PEPD: variants seen among roughly 807,000 people sequenced by gnomAD.
PEPD encodes the protein xaa-Pro dipeptidase.
In PEPD, 53 loss-of-function variants were observed where a neutral mutation model predicts 60.7. The ratio of observed to expected loss-of-function variants is 0.87; its 90% CI spans 0.70 to 1.10. The LOEUF (loss-of-function observed/expected upper bound fraction) is 1.10. Among genes scored for constraint, PEPD ranks in the 50% least tolerant of loss-of-function variants. The probability of loss-of-function intolerance (pLI) is 0.00; values close to 1 mark genes in which losing one functional copy is unlikely to be tolerated. For synonymous variants in PEPD, 267 were observed against 284.1 expected (o/e 0.94, Z 0.60); for missense variants, 711 against 711.9 (o/e 1.00, Z 0.01).
chr19:33,518,581 C>G lies in PEPD; in HGVS notation c.17+3163G>C, dbSNP rs367922974. Among the ~76,000 whole-genome samples the G allele has an allele frequency of 9.8e-5, 15 of 152,308 alleles. No individual in the cohort carries two copies. The South Asian group carries it at 2.7e-3, about 27-fold the overall frequency. ...AAGGCTATTTCTTCATCCTACCCCT[C>G]GGAATTCTGTCCCCATTCCCCACCA... On this transcript the variant is annotated intron_variant, in intron 1 of 14. Coordinates refer to ENST00000244137, the MANE Select transcript of PEPD (RefSeq NM_000285.4).
At chr19:33,391,621 C>T (rs1196758832) in intron 12 of PEPD, 142 bp from the exon 13 acceptor site, 5 of 768,856 alleles carry the variant, frequency 6.5e-6, no homozygotes, top group Admixed American at 2.1e-5. Context: ...GGTACTACAT[C>T]GGGGGCCCAG....
chr19:33,493,935 C>A (rs1277549866), intron 4 of PEPD, among the ~76,000 whole-genome samples: 2 of 152,232 alleles, frequency 1.3e-5, no homozygotes. Flanking sequence ...GGGCCAGCTC[C>A]TCTCTCCACG....
At chr19:33,388,234 C>T (rs1203822253) in intron 13 of PEPD, 153 bp from the exon 14 acceptor site, 2 of 720,032 alleles carry the variant, frequency 2.8e-6, no homozygotes, top group South Asian at 3.0e-5. Flanking sequence ...CTGTGCTGGG[C>T]CATGGGCACC....
intron 9 of PEPD, among the ~76,000 whole-genome samples, chr19:33,445,373 G>A (rs1334943254): frequency 6.6e-6 from 1 of 152,242 alleles, no homozygotes; most frequent in Non-Finnish European, 1.5e-5. Flanking sequence ...CCAATTTACA[G>A]TGCCTCAGAA....
At chr19:33,439,207 C>T (rs1027651237) in intron 9 of PEPD, among the ~76,000 whole-genome samples, 3 of 152,230 alleles carry the variant, frequency 2.0e-5, no homozygotes, top group East Asian at 3.9e-4. Context: ...GCTCCCATAA[C>T]CTGGGCACAT....
At chr19:33,402,391 G>A (rs535276948) in intron 11 of PEPD, among the ~76,000 whole-genome samples, 2 of 152,228 alleles carry the variant, frequency 1.3e-5, no homozygotes, top group African/African-American at 4.8e-5. Context: ...TGGGATGCAC[G>A]GCCTAGAACT....
chr19:33,387,501 A>T lies in PEPD; in HGVS notation c.1345-20T>A, dbSNP rs748875611. The stretch of plus-strand genomic sequence containing the variant: ...GCGGACCTGGGTCAAGCCGACAGAC[A>T]CACATTATCATAGAGCAGCCTCATG... On this transcript the variant is annotated intron_variant, in intron 14 of 14. Coordinates refer to ENST00000244137, the MANE Select transcript of PEPD (RefSeq NM_000285.4). 242 of 1,612,730 alleles carry T rather than the reference A, an allele frequency of 1.5e-4. No individual in the cohort carries two copies. The highest frequency in any genetic ancestry group is 8.5e-6 in the Non-Finnish European group (10 of 1,180,032).
intron 9 of PEPD, among the ~76,000 whole-genome samples, chr19:33,420,576 C>G (rs1392602976): frequency 6.6e-6 from 1 of 152,026 alleles, no homozygotes; most frequent in African/African-American, 2.4e-5. Context: ...GTGGCAGGTG[C>G]CTGTAATCCC....
intron 6 of PEPD, among the ~76,000 whole-genome samples, chr19:33,481,384 T>A (rs764020666): frequency 6.8e-6 from 1 of 146,944 alleles, no homozygotes; most frequent in Non-Finnish European, 1.5e-5. Flanking sequence ...CTGGCCAACA[T>A]TGCAAAACCC....
intron 10 of PEPD, among the ~76,000 whole-genome samples, chr19:33,413,142 T>C (rs1402350983): frequency 2.6e-5 from 4 of 152,160 alleles, no homozygotes; most frequent in African/African-American, 4.8e-5. Context: ...CACACCCACA[T>C]AGACACACCA....
chr19:33,401,913 C>G, intron 11 of PEPD, 44 bp from the exon 12 acceptor site: 1 of 1,598,814 alleles, frequency 6.3e-7, no homozygotes, highest in Non-Finnish European at 8.6e-7. Flanking sequence ...TGGGGTGCCA[C>G]CGCCCCCTTA....
At chr19:33,480,443 A>C (rs902797544) in intron 6 of PEPD, among the ~76,000 whole-genome samples, 7 of 152,246 alleles carry the variant, frequency 4.6e-5, no homozygotes, top group African/African-American at 1.7e-4. Context: ...ATAGTTGGAG[A>C]CGTCAATAAT....
intron 1 of PEPD, among the ~76,000 whole-genome samples, chr19:33,513,876 C>T (rs1454967722): frequency 6.6e-6 from 1 of 151,994 alleles, no homozygotes; most frequent in African/African-American, 2.4e-5. Flanking sequence ...TTTTACCCAG[C>T]CTCTGCAGAA....
intron 11 of PEPD, among the ~76,000 whole-genome samples, chr19:33,408,723 C>T (rs544575622): frequency 5.6e-4 from 85 of 152,194 alleles, no homozygotes; most frequent in Admixed American, 2.4e-3. Flanking sequence ...GGGAGGCGCT[C>T]GGCTTCGGGG....
chr19:33,424,946 T>G (rs1252525518), intron 9 of PEPD, among the ~76,000 whole-genome samples: 1 of 151,564 alleles, frequency 6.6e-6, no homozygotes, highest in Admixed American at 6.6e-5. Flanking sequence ...TGATTCAATA[T>G]CCACACAGCC....
chr19:33,460,028 G>GC (rs921416775), intron 9 of PEPD, among the ~76,000 whole-genome samples: 1 of 152,122 alleles, frequency 6.6e-6, no homozygotes, highest in Admixed American at 6.5e-5. Context: ...CAGTGCAGCT[G>GC]CCCCCCAGCC....
At position 33,511,050 on chromosome 19, in the gene PEPD, T is replaced by C. The variant is rs754327960; in HGVS notation, c.307A>G (p.Ser103Gly). 3.1e-6 allele frequency: 5 copies of C among 1,613,706 alleles called. No individual in the cohort carries two copies. The highest frequency in any genetic ancestry group is 4.2e-6 in the Non-Finnish European group (5 of 1,179,872). ...TACTTTCCCATCCAGGTGGCATGGCTGGCAGGAAGCCTGGGCACAAACAGG... is the reference window on the plus strand; with the variant it reads ...TACTTTCCCATCCAGGTGGCATGGCCGGCAGGAAGCCTGGGCACAAACAGG... ...STLFVPRLPA[S>G]HATWMGKIHS... Residue 103 changes from serine (S) to glycine (G), a missense_variant, in exon 3 of 15, where the codon AGC becomes GGC. Transcript: ENST00000244137.
intron 9 of PEPD, among the ~76,000 whole-genome samples, chr19:33,446,507 C>T (rs1969596501): frequency 6.6e-6 from 1 of 152,230 alleles, no homozygotes; most frequent in South Asian, 2.1e-4. Flanking sequence ...ACTTGCCCAG[C>T]TTCAACCAGC....
chr19:33,401,896 T>C, intron 11 of PEPD, 27 bp from the exon 12 acceptor site: 1 of 1,610,942 alleles, frequency 6.2e-7, no homozygotes, highest in Non-Finnish European at 8.5e-7. Flanking sequence ...GCAGGGCAAG[T>C]GGGTACTGGG....
Sources: gnomAD v4.1 joint callset for allele counts (sites outside exome capture counted in the v4.1 genomes callset) on GRCh38, gnomAD v4.1.1 for gene constraint, MANE v1.5 for transcripts, NCBI Gene and HGNC (gene_info 2026-07-23, HGNC 2026-07-21) for gene names.